The following CCDC73 variants were observed in gnomAD, a reference collection of about 807,000 sequenced individuals.
CCDC73 encodes coiled-coil domain-containing protein 73.
Under a neutral mutation model 116.5 loss-of-function variants are expected in CCDC73, and 95 were observed. That is an observed-to-expected ratio of 0.82 (90% confidence interval 0.69 to 0.97). The LOEUF (loss-of-function observed/expected upper bound fraction) is 0.97, where lower values mean the gene tolerates loss of function less well. Ranked by LOEUF, CCDC73 falls within the 50% of genes least tolerant of loss-of-function variation. CCDC73 has a pLI of 0.00. For synonymous variants in CCDC73, 398 were observed against 401.3 expected (o/e 0.99, Z 0.10); for missense variants, 1,066 against 1,206.8 (o/e 0.88, Z 1.73).
intron 9 of CCDC73, among the ~76,000 whole-genome samples, chr11:32,666,493 G>A (rs893498199): frequency 8.5e-5 from 13 of 152,144 alleles, no homozygotes; most frequent in Admixed American, 1.3e-4. Context: ...TTCTCGTGCC[G>A]TGGTTTTCAG....
At chr11:32,821,362 T>C in the CCDC73 span, among the ~76,000 whole-genome samples, 1 of 152,178 alleles carries the variant, frequency 6.6e-6, no homozygotes, top group Non-Finnish European at 1.5e-5. Flanking sequence ...GACAACAAAA[T>C]TTCCTGACAT....
At chr11:32,685,601 A>G (rs1338355517) in intron 6 of CCDC73, among the ~76,000 whole-genome samples, 2 of 152,174 alleles carry the variant, frequency 1.3e-5, no homozygotes, top group Admixed American at 1.3e-4. Flanking sequence ...AGGGAAGGCA[A>G]GGGGACCCAA....
At chr11:32,630,559 T>C (rs1855622777) in intron 14 of CCDC73, among the ~76,000 whole-genome samples, 1 of 152,162 alleles carries the variant, frequency 6.6e-6, no homozygotes, top group Non-Finnish European at 1.5e-5. Flanking sequence ...GTCAGGCTGG[T>C]CTCGAACTCC....
rs755120612 is a variant in CCDC73, at chr11:32,683,573, A to G, written c.392T>C (p.Val131Ala). ...TTTCTTCTGTAAAGAGTATTTAGAA[A>G]CCTTGAAAAATAAGGGGGAAAAATC... ...GLKETLKALQ[V>A]SKYSLQKKVS... The change falls in exon 7 of 18, where the codon GTT (valine) becomes GCT (alanine). Residue 131 changes from valine (V) to alanine (A), a missense_variant and splice_region_variant. Coordinates refer to ENST00000335185, the MANE Select transcript of CCDC73 (RefSeq NM_001008391.4). The G allele has an allele frequency of 4.7e-6, 7 of 1,483,154 alleles. No homozygotes were observed. The South Asian group carries it at 8.2e-5, about 17-fold the overall frequency. 91.9% of individuals were successfully genotyped at this position (1,483,154 alleles called of 1,614,324 possible). A position where few individuals can be genotyped will look rare whatever the true frequency, so the allele number is the denominator to read the frequency against.
intron 16 of CCDC73, among the ~76,000 whole-genome samples, chr11:32,612,904 C>T (rs941626985): frequency 6.6e-6 from 1 of 152,116 alleles, no homozygotes; most frequent in Non-Finnish European, 1.5e-5. Context: ...TTTCATATGG[C>T]AGTTTTTAAG....
intron 7 of CCDC73, among the ~76,000 whole-genome samples, chr11:32,677,459 A>G (rs1487667827): frequency 6.6e-6 from 1 of 152,110 alleles, no homozygotes; most frequent in African/African-American, 2.4e-5. Context: ...ACTATCTAAA[A>G]CTAGAGAAGT....
rs147975729 is a variant in CCDC73 at position 32,697,984 on chromosome 11, G to A, written c.390+1267C>T. On this transcript the variant is annotated intron_variant, in intron 6 of 17. Transcript: ENST00000335185. Reference sequence around the variant, plus strand: ...CCTCCACGCTCAAGTAGGCCCCAGTGTCTGTTGTTTCTTTGTCTAACACTG... The same window carrying A: ...CCTCCACGCTCAAGTAGGCCCCAGTATCTGTTGTTTCTTTGTCTAACACTG... 7.9e-4 allele frequency among the ~76,000 whole-genome samples: 106 copies of A among 134,674 alleles called. 2 individuals carry two copies. In the East Asian group the frequency reaches 0.021, roughly 27 times the overall value. 88.4% of individuals were successfully genotyped at this position (134,674 alleles called of 152,430 possible).
At chr11:32,674,725 C>G (rs1381053375) in intron 9 of CCDC73, among the ~76,000 whole-genome samples, 2 of 152,116 alleles carry the variant, frequency 1.3e-5, no homozygotes, top group African/African-American at 4.8e-5. Flanking sequence ...CAGAAGCTAG[C>G]TAAAGTCATT....
intron 2 of CCDC73, among the ~76,000 whole-genome samples, chr11:32,735,873 G>C (rs1850125155): frequency 6.6e-6 from 1 of 152,130 alleles, no homozygotes; most frequent in Non-Finnish European, 1.5e-5. Context: ...ACAACCATCT[G>C]ATCTTTGACA....
chr11:32,659,782 C>T (rs1450036967), intron 9 of CCDC73, among the ~76,000 whole-genome samples: 2 of 152,088 alleles, frequency 1.3e-5, no homozygotes, highest in African/African-American at 2.4e-5. Context: ...CCTGGATACT[C>T]GATATAGTTC....
chr11:32,703,673 C>T (rs551934518), intron 3 of CCDC73, among the ~76,000 whole-genome samples: 277 of 152,264 alleles, frequency 1.8e-3, no homozygotes, highest in Non-Finnish European at 3.2e-3. Context: ...TACCTGGCAA[C>T]ATATACACCT....
intron 11 of CCDC73, among the ~76,000 whole-genome samples, chr11:32,653,742 T>C (rs985022107): frequency 1.8e-4 from 27 of 152,192 alleles, no homozygotes; most frequent in Non-Finnish European, 3.2e-4. Flanking sequence ...GCACTACACA[T>C]AAATAAACTT....
intron 1 of CCDC73, among the ~76,000 whole-genome samples, chr11:32,779,044 AATGTTCCATGAATACATTACAAGTATTC>A (rs1850560377): frequency 6.6e-6 from 1 of 152,124 alleles, no homozygotes; most frequent in Non-Finnish European, 1.5e-5. Context: ...GTGCTAGGAC[AATGTTCCATGAATACATTACAAGTATTC>A]ATGTTCCATG....
intron 9 of CCDC73, among the ~76,000 whole-genome samples, chr11:32,667,993 A>G (rs942451626): frequency 2.0e-5 from 3 of 152,194 alleles, no homozygotes; most frequent in Non-Finnish European, 4.4e-5. Context: ...GTATAACTTT[A>G]GGCAACTTAC....
upstream of CCDC73, among the ~76,000 whole-genome samples, chr11:32,795,416 AC>A (rs1414909296): frequency 6.6e-6 from 1 of 151,086 alleles, no homozygotes; most frequent in Non-Finnish European, 1.5e-5. Flanking sequence ...GGCTGCAGTG[AC>A]CCAAGACTGC....
intron 13 of CCDC73, among the ~76,000 whole-genome samples, chr11:32,639,457 CT>C (rs780397751): frequency 1.4e-4 from 20 of 146,672 alleles, no homozygotes; most frequent in South Asian, 2.2e-4. Context: ...CTTTTTTTTC[CT>C]TTTTTTTTTG....
rs34982926 is a variant in CCDC73, at chr11:32,754,878, CTTTTTTTTT to C, written c.135+5222_135+5230del. On this transcript the variant is annotated intron_variant, in intron 2 of 17. Coordinates refer to ENST00000335185, the MANE Select transcript of CCDC73 (RefSeq NM_001008391.4). ...CAGAGTACACAGAAGATGGCTTCAA[CTTTTTTTTT>C]TTTTTTTTTTTTTTTTCTGAGACAG... Among the ~76,000 whole-genome samples the C allele has an allele frequency of 4.6e-5, 4 of 86,566 alleles. No homozygotes were observed. In the Admixed American group the frequency reaches 6.3e-4, roughly 14 times the overall value. 56.8% of individuals were successfully genotyped at this position (86,566 alleles called of 152,430 possible).
At position 32,656,299 on chromosome 11, in the gene CCDC73, T is replaced by C. The variant is rs554342716; in HGVS notation, c.646-1327A>G. On this transcript the variant is annotated intron_variant, in intron 9 of 17. Transcript: ENST00000335185. ...TTTCACCATGTTAGCCAGGATGGTC[T>C]CGATCTCCTGACCTTCTGATCCGCC... Among the ~76,000 whole-genome samples, 3 of 152,016 alleles carry C rather than the reference T, an allele frequency of 2.0e-5. No homozygotes were observed. In the South Asian group the frequency reaches 6.2e-4, roughly 32 times the overall value.
At chr11:32,799,828 C>A in the CCDC73 span, among the ~76,000 whole-genome samples, 7 of 152,118 alleles carry the variant, frequency 4.6e-5, no homozygotes, top group Non-Finnish European at 5.9e-5. Context: ...GTTTCTGCAG[C>A]CTACTTAAAT....
Sources: allele counts gnomAD v4.1 joint callset (sites outside exome capture counted in the v4.1 genomes callset), GRCh38; gene constraint gnomAD v4.1.1; transcripts MANE v1.5; gene names NCBI Gene and HGNC (gene_info 2026-07-23, HGNC 2026-07-21).